GPSM2: variants seen among roughly 807,000 people sequenced by gnomAD.
GPSM2 encodes G protein-signaling modulator 2.
In GPSM2, 58 loss-of-function variants were observed where a neutral mutation model predicts 78.4. That is an observed-to-expected ratio of 0.74 (90% CI 0.60 to 0.92). The LOEUF is 0.92. GPSM2 is among the 40% of genes least tolerant of loss of function. The probability of loss-of-function intolerance (pLI) is 0.00; values close to 1 mark genes in which losing one functional copy is unlikely to be tolerated. For synonymous variants in GPSM2, 224 were observed against 280.2 expected, an observed-to-expected ratio of 0.80 and a Z score of 2.00; for missense variants, 700 against 815.5, an observed-to-expected ratio of 0.86 and a Z score of 1.73.
At chr1:108,920,031 G>C (rs1206979402) in intron 12 of GPSM2, among the ~76,000 whole-genome samples, 1 of 151,968 alleles carries the variant, frequency 6.6e-6, no homozygotes, top group Non-Finnish European at 1.5e-5. Flanking sequence ...CCTGGGTGTG[G>C]TGGCACACAC....
chr1:108,918,602 T>C lies in GPSM2; in HGVS notation c.1264-11T>C. 1.2e-6 allele frequency: 2 copies of C among 1,608,328 alleles called. No homozygotes were observed. The highest frequency in any genetic ancestry group is 2.2e-5 in the East Asian group (1 of 44,810). On this transcript the variant is annotated splice_polypyrimidine_tract_variant and intron_variant, in intron 11 of 14. Transcript: ENST00000264126. ...TGTTTATTCACCTGCCTTCCATTTA[T>C]AATTTTGTAGGTACAGAACTGGAAC... is the stretch of plus-strand genomic sequence containing the variant.
intron 7 of GPSM2, among the ~76,000 whole-genome samples, chr1:108,900,744 G>T (rs1184668123): frequency 2.0e-5 from 3 of 152,126 alleles, no homozygotes; most frequent in African/African-American, 4.8e-5. Context: ...AATTCCAAAA[G>T]TCTTTCAAAA....
chr1:108,918,205 CTA>C (rs1650426627), intron 11 of GPSM2, among the ~76,000 whole-genome samples: 1 of 151,994 alleles, frequency 6.6e-6, no homozygotes, highest in Admixed American at 6.6e-5. Flanking sequence ...TTTAAAATTA[CTA>C]TGTTTTATAT....
Position 108,899,078 on chromosome 1 carries a change from T to C in GPSM2, c.797+84T>C, listed in dbSNP as rs996854599. The stretch of plus-strand genomic sequence containing the variant: ...AGGCTTTAGGTTTAAAATCTGATTG[T>C]AGCAGAACTTTTGGCATCTAAGCCT... On this transcript the variant is annotated intron_variant, in intron 7 of 14. Transcript: ENST00000264126. 26 of 843,090 alleles carry C rather than the reference T, an allele frequency of 3.1e-5. No individual in the cohort carries two copies. The African/African-American group carries it at 4.1e-4, about 13-fold the overall frequency. The allele number at this position is 843,090 out of a possible 1,614,324, so 52.2% of individuals were successfully genotyped here.
rs746833972 is a variant in GPSM2, at chr1:108,897,459, GGTTTTTT to G, written c.279-11_279-5del. 2.0e-4 allele frequency: 317 copies of G among 1,564,088 alleles called. 1 individual carries two copies. In the South Asian group the frequency reaches 2.8e-3, roughly 14 times the overall value. On this transcript the variant is annotated intron_variant, in intron 3 of 14. Coordinates refer to ENST00000264126, the MANE Select transcript of GPSM2 (RefSeq NM_013296.5). ...CACCATTTGTATTTTAATACCATTT[GGTTTTTT>G]GTTTTTTGTTTTTTGTTTTTTTCAG...
intron 14 of GPSM2, among the ~76,000 whole-genome samples, chr1:108,927,568 C>T (rs990497008): frequency 6.6e-6 from 1 of 152,144 alleles, no homozygotes; most frequent in African/African-American, 2.4e-5. Flanking sequence ...ACAAATGGTT[C>T]TGGGTAAACT....
intron 5 of GPSM2, 131 bp from the exon 6 acceptor site, chr1:108,898,511 C>G (rs1365579285): frequency 1.3e-6 from 1 of 753,760 alleles, no homozygotes; most frequent in African/African-American, 1.8e-5. Flanking sequence ...AGATGTCATC[C>G]TTAAAATGTT....
intron 13 of GPSM2, among the ~76,000 whole-genome samples, chr1:108,923,404 C>T (rs569551907): frequency 4.6e-5 from 7 of 152,214 alleles, no homozygotes; most frequent in South Asian, 4.2e-4. Context: ...ATATATAAAA[C>T]GTCAATGCTT....
intron 2 of GPSM2, among the ~76,000 whole-genome samples, chr1:108,896,608 C>T (rs1012377405): frequency 6.6e-6 from 1 of 152,100 alleles, no homozygotes; most frequent in Admixed American, 6.6e-5. Flanking sequence ...TGCTCTGGGC[C>T]AATTAAAATG....
At chr1:108,898,800 T>A (rs1404075835) in intron 6 of GPSM2, 35 bp downstream of exon 6, 4 of 1,611,690 alleles carry the variant, frequency 2.5e-6, no homozygotes, top group Non-Finnish European at 3.4e-6. Context: ...GATCATTTCC[T>A]CCATCAAAGT....
chr1:108,877,655 G>T (rs1193961670), intron 1 of GPSM2: 1 of 152,010 alleles, frequency 6.6e-6, no homozygotes, highest in Non-Finnish European at 1.5e-5. Context: ...GGAGTCGGGC[G>T]CGTCCTACCT....
intron 2 of GPSM2, among the ~76,000 whole-genome samples, chr1:108,886,553 C>T (rs914876528): frequency 6.6e-5 from 10 of 152,216 alleles, no homozygotes; most frequent in Admixed American, 3.9e-4. Context: ...AATGGATTGT[C>T]TACATTCCTG....
At chr1:108,907,250 C>T (rs977763179) in intron 10 of GPSM2, among the ~76,000 whole-genome samples, 15 of 152,190 alleles carry the variant, frequency 9.9e-5, no homozygotes, top group East Asian at 1.9e-4. Flanking sequence ...AAGGAGCCTT[C>T]GCTAAAAATC....
At chr1:108,904,510 T>C (rs1395618736) in intron 10 of GPSM2, among the ~76,000 whole-genome samples, 3 of 150,384 alleles carry the variant, frequency 2.0e-5, no homozygotes, top group Non-Finnish European at 4.4e-5. Context: ...AACTTAGGAA[T>C]GGTGATGGTA....
intron 11 of GPSM2, 94 bp from the exon 12 acceptor site, chr1:108,918,519 A>T (rs767742204): frequency 1.1e-6 from 1 of 893,240 alleles, no homozygotes; most frequent in Non-Finnish European, 1.9e-6. Context: ...AATAGTAAAT[A>T]AGTGAGTACG....
chr1:108,925,886 G>A (rs1324161726), intron 14 of GPSM2, among the ~76,000 whole-genome samples: 2 of 151,976 alleles, frequency 1.3e-5, no homozygotes, highest in African/African-American at 4.8e-5. Context: ...TGGTCAAGTA[G>A]AGAAGAGTCA....
intron 10 of GPSM2, among the ~76,000 whole-genome samples, chr1:108,908,679 G>A (rs1649453911): frequency 2.3e-5 from 3 of 131,116 alleles, no homozygotes; most frequent in South Asian, 2.2e-4. Flanking sequence ...CAAAACACAC[G>A]TGCGCGCACA....
rs762592963 is a variant in GPSM2, at chr1:108,931,415, A to G, written c.*1475A>G. The G allele has an allele frequency of 9.7e-6, 15 of 1,551,066 alleles. No homozygotes were observed. Among genetic ancestry groups the G allele is most frequent in the African/African-American group, 1.4e-5 (1 of 73,056 alleles). On this transcript the variant is annotated 3_prime_UTR_variant, in exon 15 of 15. Coordinates refer to ENST00000264126, the MANE Select transcript of GPSM2 (RefSeq NM_013296.5). ...GGGACCTGGAGTAACACTGGATCACAGACTGCAAAGGCCCACGCTTGGAAC... is the reference window on the plus strand; with the variant it reads ...GGGACCTGGAGTAACACTGGATCACGGACTGCAAAGGCCCACGCTTGGAAC...
chr1:108,927,144 T>G (rs1651171025), intron 14 of GPSM2, among the ~76,000 whole-genome samples: 1 of 152,120 alleles, frequency 6.6e-6, no homozygotes, highest in Admixed American at 6.5e-5. Context: ...CTGAAAGAGA[T>G]GAAAGAAAAC....
Sources: allele counts gnomAD v4.1 joint callset (sites outside exome capture counted in the v4.1 genomes callset), GRCh38; gene constraint gnomAD v4.1.1; transcripts MANE v1.5; gene names NCBI Gene and HGNC (gene_info 2026-07-23, HGNC 2026-07-21).